Variants in GRM7 observed in about 807,000 individuals in gnomAD.
GRM7 encodes metabotropic glutamate receptor 7.
Under a neutral mutation model 84.5 loss-of-function variants are expected in GRM7, and 35 were observed. That is an observed-to-expected ratio of 0.41 (90% confidence interval 0.32 to 0.55). The LOEUF (loss-of-function observed/expected upper bound fraction) is 0.55. Ranked by LOEUF, GRM7 falls within the 20% of genes least tolerant of loss-of-function variation. The probability of loss-of-function intolerance (pLI) is 0.19; values close to 1 mark genes in which losing one functional copy is unlikely to be tolerated. For synonymous variants in GRM7, 487 were observed against 455.1 expected (o/e 1.07, Z -0.89); for missense variants, 1,003 against 1,194.6 (o/e 0.84, Z 2.36).
chr3:7,316,559 A>G (rs1288007503), intron 4 of GRM7, among the ~76,000 whole-genome samples: 1 of 152,176 alleles, frequency 6.6e-6, no homozygotes, highest in Non-Finnish European at 1.5e-5. Flanking sequence ...GGGATTTAGA[A>G]CAGGAAAAAA....
intron 2 of GRM7, among the ~76,000 whole-genome samples, chr3:7,228,446 A>G (rs1697054221): frequency 6.6e-6 from 1 of 152,210 alleles, no homozygotes; most frequent in Non-Finnish European, 1.5e-5. Context: ...GAATTTCAGA[A>G]CACAACATCT....
intron 1 of GRM7, among the ~76,000 whole-genome samples, chr3:7,015,166 T>C (rs891328747): frequency 6.7e-6 from 1 of 150,152 alleles, no homozygotes; most frequent in Non-Finnish European, 1.5e-5. Context: ...GGCAACCTGC[T>C]TGGGTCCCCT....
chr3:7,351,870 T>A (rs1225206750), intron 4 of GRM7, among the ~76,000 whole-genome samples: 1 of 151,974 alleles, frequency 6.6e-6, no homozygotes, highest in Non-Finnish European at 1.5e-5. Flanking sequence ...GTTTTGAGGC[T>A]TTCAAACTTG....
intron 9 of GRM7, among the ~76,000 whole-genome samples, chr3:7,689,515 G>A (rs1700716322): frequency 6.6e-6 from 1 of 152,116 alleles, no homozygotes; most frequent in Non-Finnish European, 1.5e-5. Context: ...ATTTCTCTCT[G>A]CCTAAGAGGT....
intron 4 of GRM7, among the ~76,000 whole-genome samples, chr3:7,311,070 G>T (rs1231931842): frequency 6.6e-6 from 1 of 152,094 alleles, no homozygotes; most frequent in Admixed American, 6.5e-5. Flanking sequence ...AGGTTATTAA[G>T]TAGGATCAAA....
Position 7,038,679 on chromosome 3 carries a change from A to G in GRM7, c.520-107773A>G, listed in dbSNP as rs756952160. ...TTTAGTGCCTGGAGCCTGCCACACA[A>G]TGATACATTTGTTACAAGCATGGTT... On this transcript the variant is annotated intron_variant, in intron 1 of 9. Coordinates refer to ENST00000357716, the MANE Select transcript of GRM7 (RefSeq NM_000844.4). 4.6e-5 allele frequency among the ~76,000 whole-genome samples: 7 copies of G among 152,192 alleles called. No homozygotes were observed. In the East Asian group the frequency reaches 9.6e-4, roughly 21 times the overall value.
At chr3:7,504,986 G>A (rs1361916730) in intron 7 of GRM7, among the ~76,000 whole-genome samples, 2 of 152,130 alleles carry the variant, frequency 1.3e-5, no homozygotes, top group East Asian at 1.9e-4. Flanking sequence ...ATTTCCTCCA[G>A]CTGTGAACTT....
chr3:7,438,857 A>G (rs1229599668), intron 5 of GRM7, among the ~76,000 whole-genome samples: 1 of 152,150 alleles, frequency 6.6e-6, no homozygotes, highest in Non-Finnish European at 1.5e-5. Flanking sequence ...AGGAGCTGCC[A>G]CATATTTATG....
At chr3:7,087,073 A>G (rs1233202729) in intron 1 of GRM7, among the ~76,000 whole-genome samples, 1 of 152,216 alleles carries the variant, frequency 6.6e-6, no homozygotes, top group African/African-American at 2.4e-5. Flanking sequence ...TAAACAGAAG[A>G]AAGTGAAAAA....
intron 1 of GRM7, among the ~76,000 whole-genome samples, chr3:6,940,523 C>G (rs1295108002): frequency 6.6e-6 from 1 of 152,144 alleles, no homozygotes; most frequent in African/African-American, 2.4e-5. Flanking sequence ...TTTTGATAGT[C>G]ATATTCAATA....
intron 1 of GRM7, among the ~76,000 whole-genome samples, chr3:7,123,546 G>A (rs1423604670): frequency 6.6e-6 from 1 of 152,094 alleles, no homozygotes; most frequent in Non-Finnish European, 1.5e-5. Flanking sequence ...TTGAACCCAG[G>A]AGGCGGAGGT....
chr3:7,039,698 C>T (rs1054876028), intron 1 of GRM7, among the ~76,000 whole-genome samples: 3 of 139,972 alleles, frequency 2.1e-5, no homozygotes, highest in Non-Finnish European at 4.6e-5. Context: ...TTATAATATT[C>T]TGGCAGAGTA....
chr3:7,326,120 G>A (rs1344912530), intron 4 of GRM7, among the ~76,000 whole-genome samples: 1 of 133,758 alleles, frequency 7.5e-6, no homozygotes, highest in Non-Finnish European at 1.5e-5. Flanking sequence ...TTAGATTTAA[G>A]TGACAACCAC....
At chr3:7,149,692 A>G (rs1694222715) in intron 2 of GRM7, among the ~76,000 whole-genome samples, 2 of 152,188 alleles carry the variant, frequency 1.3e-5, no homozygotes, top group Admixed American at 1.3e-4. Context: ...TCTTATTTTA[A>G]CAATTTTGAC....
chr3:7,218,421 G>T (rs958880911), intron 2 of GRM7, among the ~76,000 whole-genome samples: 2 of 151,826 alleles, frequency 1.3e-5, no homozygotes, highest in Non-Finnish European at 2.9e-5. Flanking sequence ...AATTGCATGT[G>T]CCCATGTTTT....
rs763560092 is a variant in GRM7, at chr3:7,146,605, G to T, written c.673G>T (p.Ala225Ser). ...AGGCTGGAATTATGTGTCTACCCTC[G>T]CATCGGAAGGAAGTTATGGAGAGAA... is the stretch of plus-strand genomic sequence containing the variant. ...ALGWNYVSTL[A>S]SEGSYGEKGV... The change falls in exon 2 of 10, where the codon GCA (alanine) becomes TCA (serine). Residue 225 changes from alanine (A) to serine (S), a missense_variant. Physicochemically the swap from Ala to Ser is moderately conservative, Grantham distance 99. Around this residue, in one of 2 missense-constraint regions of GRM7, gnomAD observed 910 missense variants for 1,126.0 expected, o/e 0.81. Transcript: ENST00000357716. 2 of 1,613,966 alleles carry T rather than the reference G, an allele frequency of 1.2e-6. No individual in the cohort carries two copies. Among genetic ancestry groups the T allele is most frequent in the African/African-American group, 1.3e-5 (1 of 75,014 alleles).
chr3:7,382,446 A>T (rs1220188715), intron 4 of GRM7, among the ~76,000 whole-genome samples: 1 of 152,076 alleles, frequency 6.6e-6, no homozygotes, highest in Non-Finnish European at 1.5e-5. Context: ...TATTCCTGAA[A>T]TTTACTGGGA....
At chr3:7,189,710 G>A (rs1197758673) in intron 2 of GRM7, among the ~76,000 whole-genome samples, 1 of 152,132 alleles carries the variant, frequency 6.6e-6, no homozygotes, top group East Asian at 1.9e-4. Context: ...TTTAAAATAT[G>A]TACCTATAAG....
At chr3:7,545,596 C>G (rs1301862444) in intron 7 of GRM7, among the ~76,000 whole-genome samples, 2 of 151,986 alleles carry the variant, frequency 1.3e-5, no homozygotes, top group African/African-American at 4.8e-5. Context: ...TATTACTTTG[C>G]AAAAAGAGAG....
Sources: allele counts gnomAD v4.1 joint callset (sites outside exome capture counted in the v4.1 genomes callset), GRCh38; gene constraint gnomAD v4.1.1; regional missense constraint gnomAD v4.1.1; transcripts MANE v1.5; gene names NCBI Gene and HGNC (gene_info 2026-07-23, HGNC 2026-07-21).